Variants in FAM161B observed in about 807,000 individuals in gnomAD.
FAM161B encodes the protein FAM161 centrosomal protein B.
In FAM161B, 46 loss-of-function variants were observed where a neutral mutation model predicts 61.5. The observed-to-expected ratio is 0.75, with a 90% CI of 0.59 to 0.96. FAM161B has a LOEUF of 0.96. Ranked by LOEUF, FAM161B falls within the 40% of genes least tolerant of loss-of-function variation. The probability of loss-of-function intolerance (pLI) is 0.00; values close to 1 mark genes in which losing one functional copy is unlikely to be tolerated. For missense variants in FAM161B, 774 were observed against 800.7 expected (o/e 0.97, Z 0.40); for synonymous variants, 284 against 302.7 (o/e 0.94, Z 0.64).
chr14:73,924,374 CAG>C, the FAM161B span, among the ~76,000 whole-genome samples: 10 of 152,300 alleles, frequency 6.6e-5, no homozygotes, highest in African/African-American at 1.7e-4. Context: ...TGGTTCCTAA[CAG>C]GGCACGGACC....
At position 73,934,498 on chromosome 14, in the gene FAM161B, C is replaced by T. The variant is rs1363937669; in HGVS notation, c.1806-104G>A. On this transcript the variant is annotated intron_variant, in intron 8 of 8. Transcript: ENST00000286544. ...GCAGTGGCATGATCTCAGCTCACTG[C>T]AGCCTGGACAGCCCAGCTGAAGCAA... 7 of 1,061,886 alleles carry T rather than the reference C, an allele frequency of 6.6e-6. No individual in the cohort carries two copies. The African/African-American group carries it at 8.2e-5, about 12-fold the overall frequency. The allele number at this position is 1,061,886 out of a possible 1,614,324, so 65.8% of individuals were successfully genotyped here. A position where few individuals can be genotyped will look rare whatever the true frequency, so the allele number is the denominator to read the frequency against.
chr14:73,949,906 A>G, intron 1 of FAM161B, 67 bp downstream of exon 1: 4 of 1,595,314 alleles, frequency 2.5e-6, no homozygotes, highest in South Asian at 1.1e-5. Flanking sequence ...GTCTGTCTCC[A>G]AGGCAACGCC....
intron 5 of FAM161B, 66 bp downstream of exon 5, chr14:73,940,860 G>A: frequency 6.5e-7 from 1 of 1,542,880 alleles, no homozygotes; most frequent in Non-Finnish European, 8.7e-7. Context: ...AGGCCCCTTG[G>A]CAGGGAGGTT....
At chr14:73,948,279 T>A (rs1433344640) in intron 1 of FAM161B, among the ~76,000 whole-genome samples, 1 of 152,216 alleles carries the variant, frequency 6.6e-6, no homozygotes, top group Non-Finnish European at 1.5e-5. Context: ...GGTAAGTAAT[T>A]GATCAGTAAG....
chr14:73,937,749 G>GA, intron 6 of FAM161B, 48 bp from the exon 7 acceptor site: 1 of 1,594,528 alleles, frequency 6.3e-7, no homozygotes, highest in Non-Finnish European at 8.6e-7. Context: ...TTCTAATCCA[G>GA]AATACCCTTC....
At chr14:73,930,022 T>A (rs2055888540), downstream of FAM161B, among the ~76,000 whole-genome samples, 1 of 152,158 alleles carries the variant, frequency 6.6e-6, no homozygotes, top group Non-Finnish European at 1.5e-5. Context: ...GGGCTCCATA[T>A]TTACATTGAG....
chr14:73,937,759 C>G, intron 6 of FAM161B, 58 bp from the exon 7 acceptor site: 1 of 1,585,372 alleles, frequency 6.3e-7, no homozygotes, highest in Non-Finnish European at 8.6e-7. Flanking sequence ...GAATACCCTT[C>G]ATTTCCAGTA....
chr14:73,948,540 T>C (rs1353434234), intron 1 of FAM161B, among the ~76,000 whole-genome samples: 1 of 152,234 alleles, frequency 6.6e-6, no homozygotes, highest in African/African-American at 2.4e-5. Context: ...GCCCTGGCTC[T>C]GCTACAGTGT....
rs545165079 is a variant in FAM161B at position 73,949,529 on chromosome 14, T to A, written c.54+444A>T. ...CAGCGCGCCTGGCCAATTTTTTTTT[T>A]TTTTTTAAATTTTTAGACGGAGTTT... On this transcript the variant is annotated intron_variant, in intron 1 of 8. Transcript: ENST00000286544. Among the ~76,000 whole-genome samples, 973 of 150,316 alleles carry A rather than the reference T, an allele frequency of 6.5e-3. 18 individuals carry two copies. The highest frequency in any genetic ancestry group is 0.023 in the African/African-American group (935 of 41,046).
At chr14:73,940,144 C>A (rs1277834140) in intron 5 of FAM161B, among the ~76,000 whole-genome samples, 3 of 152,236 alleles carry the variant, frequency 2.0e-5, no homozygotes, top group Admixed American at 2.0e-4. Flanking sequence ...CTCTCCCTGG[C>A]CTAAGCTGCT....
At chr14:73,946,166 TC>T in intron 2 of FAM161B, 119 bp downstream of exon 2, 1 of 1,032,732 alleles carries the variant, frequency 9.7e-7, no homozygotes, top group Non-Finnish European at 1.4e-6. Context: ...AGCTAGAGCC[TC>T]AGTAAATGGC....
In FAM161B at chr14:73,944,499, G is replaced by A. The variant is rs1376566724; in HGVS notation, c.761C>T (p.Ser254Phe). The change falls in exon 3 of 9, where the codon TCT (serine) becomes TTT (phenylalanine). Residue 254 changes from serine to phenylalanine, a missense_variant. By Grantham distance (155) the Ser-to-Phe change is radical. Coordinates refer to ENST00000286544, the MANE Select transcript of FAM161B (RefSeq NM_152445.3). ...CAGGAAGCTGAAGGGCTTCAAAGAA[G>A]AGAGGAGCAGTTCCTTCCTCTTCTG... The part of the protein sequence containing the change: ...GIQKRKELLL[S>F]SLKPFSFLEK... 1 of 1,614,116 alleles carries A rather than the reference G, an allele frequency of 6.2e-7. No individual in the cohort carries two copies.
In FAM161B at chr14:73,942,649, G is replaced by A. The variant is rs1341335694; in HGVS notation, c.992C>T (p.Ser331Phe). ...CCGGTTACTAGAGGAGGCGATAGGG[G>A]AAGAGGCCATCTGGAGCATGTCCAG... ...RALDMLQMAS[S>F]PIASSSNRAN... The change falls in exon 4 of 9, where the codon TCC (serine) becomes TTC (phenylalanine). Residue 331 changes from serine (S) to phenylalanine (F), a missense_variant. Ser to Phe is a radical substitution (Grantham distance 155). Transcript: ENST00000286544. 1.2e-6 allele frequency: 2 copies of A among 1,614,228 alleles called. No individual in the cohort carries two copies. The highest frequency in any genetic ancestry group is 1.7e-6 in the Non-Finnish European group (2 of 1,180,046).
chr14:73,946,493 T>A lies in FAM161B; in HGVS notation c.167A>T (p.Glu56Val), dbSNP rs1182708764. 1 of 1,614,002 alleles carries A rather than the reference T, an allele frequency of 6.2e-7. No homozygotes were observed. Among genetic ancestry groups the A allele is most frequent in the African/African-American group, 1.3e-5 (1 of 74,892 alleles). ...AGTTGAGTCAGAAGTAGAATCTATC[T>A]CCTCCTCTGGGCTGAGGAACTCGTC... ...KLDEFLSPEE[E>V]IDSTSDSTGS... Residue 56 changes from glutamate to valine, a missense_variant, in exon 2 of 9, where the codon GAG becomes GTG. Glu to Val is a moderately radical substitution (Grantham distance 121, BLOSUM62 -2). Transcript: ENST00000286544.
intron 8 of FAM161B, among the ~76,000 whole-genome samples, chr14:73,935,180 A>G (rs540788781): frequency 2.1e-4 from 32 of 152,264 alleles, no homozygotes; most frequent in African/African-American, 7.7e-4. Context: ...ATACAAAACA[A>G]TTGAGAATAA....
Position 73,949,915 on chromosome 14 carries a change from C to T in FAM161B, c.54+58G>A, listed in dbSNP as rs538778698. 2.9e-4 allele frequency: 472 copies of T among 1,604,476 alleles called. 8 individuals carry two copies. The South Asian group carries it at 4.9e-3, about 17-fold the overall frequency. On this transcript the variant is annotated intron_variant, in intron 1 of 8. Transcript: ENST00000286544. ...CCTGCTGTCTGTCTCCAAGGCAACG[C>T]CCAACAGTTTCCTCTCCGGGATTCC...
chr14:73,938,711 G>T (rs954168164), intron 5 of FAM161B, among the ~76,000 whole-genome samples: 3 of 151,944 alleles, frequency 2.0e-5, no homozygotes, highest in African/African-American at 7.3e-5. Flanking sequence ...GGCGGAGCTT[G>T]CAGTGAGCCG....
intron 1 of FAM161B, among the ~76,000 whole-genome samples, chr14:73,947,675 G>A (rs2056078384): frequency 6.6e-6 from 1 of 152,174 alleles, no homozygotes; most frequent in African/African-American, 2.4e-5. Flanking sequence ...AAAAGATGGA[G>A]TGCCTATGGA....
intron 5 of FAM161B, 89 bp downstream of exon 5, chr14:73,940,837 A>G (rs1478327858): frequency 1.3e-6 from 2 of 1,507,402 alleles, no homozygotes; most frequent in African/African-American, 1.4e-5. Context: ...GGTATCTCTG[A>G]TAACAGGAAA....
Sources: gnomAD v4.1 joint callset for allele counts (sites outside exome capture counted in the v4.1 genomes callset) on GRCh38, gnomAD v4.1.1 for gene constraint, MANE v1.5 for transcripts, NCBI Gene and HGNC (gene_info 2026-07-23, HGNC 2026-07-21) for gene names.